CDK14: variants seen among roughly 807,000 people sequenced by gnomAD.
The protein encoded by CDK14 is cyclin-dependent kinase 14.
CDK14 carries 34 observed loss-of-function variants against 60.7 expected under a neutral mutation model. That is an observed-to-expected ratio of 0.56 (90% CI 0.43 to 0.75). The LOEUF is 0.75. CDK14 is among the 30% of genes least tolerant of loss of function. The pLI, the probability that CDK14 is intolerant of heterozygous loss-of-function variation, is 0.00. For missense variants in CDK14, 482 were observed against 564.1 expected (o/e 0.85, Z 1.47); for synonymous variants, 197 against 203.7 (o/e 0.97, Z 0.28).
At chr7:91,185,913 ACC>A (rs367995704) in intron 14 of CDK14, among the ~76,000 whole-genome samples, 1 of 151,448 alleles carries the variant, frequency 6.6e-6, no homozygotes, top group African/African-American at 2.4e-5. Flanking sequence ...CTTCCCCCAA[ACC>A]CCCACAGCCT....
At chr7:91,080,463 T>A (rs1037567381) in intron 12 of CDK14, among the ~76,000 whole-genome samples, 2 of 151,970 alleles carry the variant, frequency 1.3e-5, no homozygotes, top group African/African-American at 2.4e-5. Context: ...AACACATAGG[T>A]ATAATCATTT....
At chr7:90,969,710 C>A (rs951629126) in intron 9 of CDK14, among the ~76,000 whole-genome samples, 2 of 152,086 alleles carry the variant, frequency 1.3e-5, no homozygotes, top group African/African-American at 4.8e-5. Context: ...TCAAATGGAA[C>A]TTCTCCTTTC....
chr7:90,922,498 T>G (rs1445578049), intron 8 of CDK14, among the ~76,000 whole-genome samples: 3 of 152,208 alleles, frequency 2.0e-5, no homozygotes, highest in Admixed American at 1.3e-4. Context: ...TTAAAATCTA[T>G]TGAACAGACT....
At chr7:90,960,339 G>A (rs1794564232) in intron 9 of CDK14, among the ~76,000 whole-genome samples, 2 of 152,092 alleles carry the variant, frequency 1.3e-5, no homozygotes, top group South Asian at 4.1e-4. Flanking sequence ...AAGAATGATA[G>A]CATGCCAGTC....
chr7:91,025,991 A>G (rs1796559637), intron 10 of CDK14, among the ~76,000 whole-genome samples: 1 of 152,158 alleles, frequency 6.6e-6, no homozygotes, highest in East Asian at 1.9e-4. Flanking sequence ...GAAAATTAAA[A>G]ATCTAGGTGA....
intron 2 of CDK14, among the ~76,000 whole-genome samples, chr7:90,612,926 CATT>C (rs1272617283): frequency 6.6e-6 from 1 of 152,076 alleles, no homozygotes; most frequent in Admixed American, 6.5e-5. Context: ...TCCAGAAAGT[CATT>C]ATATTTCAAA....
chr7:90,974,541 G>T (rs1211287553), intron 9 of CDK14, among the ~76,000 whole-genome samples: 1 of 152,080 alleles, frequency 6.6e-6, no homozygotes, highest in Admixed American at 6.6e-5. Flanking sequence ...ACAAACTTTT[G>T]CCTTGAGAAT....
chr7:91,015,802 G>A (rs2115844158), intron 10 of CDK14, among the ~76,000 whole-genome samples: 1 of 150,650 alleles, frequency 6.6e-6, no homozygotes, highest in African/African-American at 2.4e-5. Context: ...AAAAAAAAAA[G>A]GCATATAAAC....
At chr7:90,664,704 C>T (rs193107696) in intron 2 of CDK14, among the ~76,000 whole-genome samples, 4 of 150,748 alleles carry the variant, frequency 2.7e-5, no homozygotes, top group East Asian at 2.0e-4. Context: ...AAACCAAACA[C>T]GGCATGTTCT....
chr7:90,900,405 T>A (rs1229465217), intron 7 of CDK14, among the ~76,000 whole-genome samples: 2 of 152,134 alleles, frequency 1.3e-5, no homozygotes, highest in East Asian at 3.8e-4. Flanking sequence ...TAACATATAG[T>A]TTATTAGTAG....
intron 6 of CDK14, among the ~76,000 whole-genome samples, chr7:90,872,156 A>G (rs1791390214): frequency 6.6e-6 from 1 of 152,170 alleles, no homozygotes; most frequent in Non-Finnish European, 1.5e-5. Context: ...AAACCTCCAT[A>G]AGCCATTTGA....
intron 2 of CDK14, among the ~76,000 whole-genome samples, chr7:90,705,385 T>C (rs1801875471): frequency 6.6e-6 from 1 of 152,050 alleles, no homozygotes; most frequent in South Asian, 2.1e-4. Context: ...TCTCTATCCC[T>C]TTCTTCAGTT....
At chr7:90,734,495 G>A (rs1218357510) in intron 3 of CDK14, among the ~76,000 whole-genome samples, 4 of 152,008 alleles carry the variant, frequency 2.6e-5, no homozygotes, top group Admixed American at 2.6e-4. Flanking sequence ...TTTCTTGGAG[G>A]CTTTATTTGC....
chr7:91,018,999 TTGG>T (rs1796371298), intron 10 of CDK14, among the ~76,000 whole-genome samples: 1 of 152,032 alleles, frequency 6.6e-6, no homozygotes, highest in Admixed American at 6.5e-5. Flanking sequence ...TACCATCACA[TTGG>T]GGATTAGGTT....
intron 2 of CDK14, among the ~76,000 whole-genome samples, chr7:90,608,281 G>A (rs1799462122): frequency 6.6e-6 from 1 of 152,124 alleles, no homozygotes; most frequent in Admixed American, 6.5e-5. Context: ...TTGATTTAAT[G>A]ATTTATTTTA....
Position 90,826,568 on chromosome 7 carries a change from CTG to C in CDK14, c.544+35919_544+35920del, listed in dbSNP as rs372939452. Among the ~76,000 whole-genome samples the C allele has an allele frequency of 6.0e-3, 909 of 152,230 alleles. 15 individuals carry two copies. The highest frequency in any genetic ancestry group is 0.021 in the African/African-American group (860 of 41,546). On this transcript the variant is annotated intron_variant, in intron 5 of 14. Transcript: ENST00000380050. The stretch of plus-strand genomic sequence containing the variant: ...GTATCCCTGGCACTGTTGGCCATCT[CTG>C]TGGAGATACTAGTTCTAGCAGGAAG...
chr7:90,946,796 C>CAAA (rs1794115207), intron 8 of CDK14, among the ~76,000 whole-genome samples: 2 of 152,232 alleles, frequency 1.3e-5, no homozygotes, highest in South Asian at 2.1e-4. Flanking sequence ...AAACAAAAAA[C>CAAA]AAACAAACAA....
At chr7:90,680,300 T>C (rs1340798286) in intron 2 of CDK14, among the ~76,000 whole-genome samples, 1 of 152,162 alleles carries the variant, frequency 6.6e-6, no homozygotes, top group Admixed American at 6.5e-5. Context: ...TTAAATTTGG[T>C]TGTATCATTA....
At chr7:90,839,179 A>G (rs564597514) in intron 5 of CDK14, among the ~76,000 whole-genome samples, 180 of 152,356 alleles carry the variant, frequency 1.2e-3, no homozygotes, top group African/African-American at 3.9e-3. Context: ...AAAGTTTTGT[A>G]GAAAATTTGG....
Sources: gnomAD v4.1 joint callset for allele counts (sites outside exome capture counted in the v4.1 genomes callset) on GRCh38, gnomAD v4.1.1 for gene constraint, MANE v1.5 for transcripts, NCBI Gene and HGNC (gene_info 2026-07-23, HGNC 2026-07-21) for gene names.